DNAH10: variants seen among roughly 807,000 people sequenced by gnomAD.
DNAH10 encodes dynein axonemal heavy chain 10.
In DNAH10, 348 loss-of-function variants were observed where a neutral mutation model predicts 506.6. The ratio of observed to expected loss-of-function variants is 0.69; its 90% confidence interval spans 0.63 to 0.75. The LOEUF (loss-of-function observed/expected upper bound fraction) is 0.75, where lower values mean the gene tolerates loss of function less well. Ranked by LOEUF, DNAH10 falls within the 30% of genes least tolerant of loss-of-function variation. The probability of loss-of-function intolerance (pLI) is 0.00; values close to 1 mark genes in which losing one functional copy is unlikely to be tolerated. For missense variants in DNAH10, 5,179 were observed against 5,787.1 expected, an observed-to-expected ratio of 0.89 and a Z score of 3.41; for synonymous variants, 2,059 against 2,198.6, an observed-to-expected ratio of 0.94 and a Z score of 1.78.
chr12:123,894,766 A>C (rs367593860), intron 54 of DNAH10, 43 bp downstream of exon 54: 4 of 1,548,148 alleles, frequency 2.6e-6, no homozygotes, highest in Non-Finnish European at 3.6e-6. Flanking sequence ...TGATAAAACA[A>C]AGCAATTTAT....
intron 44 of DNAH10, among the ~76,000 whole-genome samples, 193 bp downstream of exon 44, chr12:123,870,678 T>A (rs539033541): frequency 6.6e-6 from 1 of 152,300 alleles, no homozygotes; most frequent in East Asian, 1.9e-4. Context: ...TTTTGTCAGC[T>A]GCTGGCTCTG....
rs562737597 is a variant in DNAH10, at chr12:123,907,926, G to A, written c.9816-1335G>A. ...TGAAGTGTGGGCGCCCTCCCTCCTG[G>A]CTGTTGCCCTGGCTTGTCCGTACAC... On this transcript the variant is annotated intron_variant, in intron 57 of 78. Coordinates refer to ENST00000673944, the MANE Select transcript of DNAH10 (RefSeq NM_001372106.1). This position sits in a 1 kb window ranked among gnomAD's most constrained non-coding sequence, Gnocchi z 4.4. Among the ~76,000 whole-genome samples the A allele has an allele frequency of 6.6e-6, 1 of 152,268 alleles. No individual in the cohort carries two copies. Among genetic ancestry groups the A allele is most frequent in the Admixed American group, 6.5e-5 (1 of 15,308 alleles).
rs1951130603 is a variant in DNAH10 at position 123,850,850 on chromosome 12, C to T, written c.6103-38C>T. ...TCCAAGGGGCTGGCCGGCCGGGCCA[C>T]CTAACTGCTTCTTTCTTTCTTCCTT... On this transcript the variant is annotated intron_variant, in intron 34 of 78. Transcript: ENST00000673944. This position sits in a 1 kb window ranked among gnomAD's most constrained non-coding sequence, Gnocchi z 5.5. 1 of 1,580,172 alleles carries T rather than the reference C, an allele frequency of 6.3e-7. No individual in the cohort carries two copies. Among genetic ancestry groups the T allele is most frequent in the African/African-American group, 1.4e-5 (1 of 74,020 alleles).
chr12:123,853,397 G>T lies in DNAH10; in HGVS notation c.6438+45G>T. The stretch of plus-strand genomic sequence containing the variant: ...ACATTCTCTGGTTTCAGCTGCTTCA[G>T]GCATTTACTACGTGCCATTGGGGAG... On this transcript the variant is annotated intron_variant, in intron 36 of 78. Transcript: ENST00000673944. The surrounding 1 kb of genome is among the most constrained non-coding windows in gnomAD (Gnocchi z 4.7). 6.3e-7 allele frequency: 1 copy of T among 1,588,150 alleles called. No individual in the cohort carries two copies. The highest frequency in any genetic ancestry group is 1.3e-5 in the African/African-American group (1 of 74,428).
intron 52 of DNAH10, among the ~76,000 whole-genome samples, chr12:123,891,488 G>A (rs980640551): frequency 2.0e-5 from 3 of 152,196 alleles, no homozygotes; most frequent in Admixed American, 2.0e-4. Flanking sequence ...TCACTGACAT[G>A]TGGTGGGACC....
chr12:123,768,357 A>G (rs1957127319), intron 2 of DNAH10, among the ~76,000 whole-genome samples: 1 of 149,102 alleles, frequency 6.7e-6, no homozygotes, highest in Non-Finnish European at 1.5e-5. Flanking sequence ...CTGGTCTTGA[A>G]CTCCCGTCCT....
Position 123,848,110 on chromosome 12 carries a change from TC to T in DNAH10, c.5949+16del. Reference sequence around the variant, plus strand: ...TGGATTACAGGGTAAGGCCTGGCTGTCACCTTTGGTACTGGCTCATTAGGCA... The same window carrying T: ...TGGATTACAGGGTAAGGCCTGGCTGTACCTTTGGTACTGGCTCATTAGGCA... On this transcript the variant is annotated intron_variant, in intron 33 of 78. Transcript: ENST00000673944. 6.2e-7 allele frequency: 1 copy of T among 1,610,176 alleles called. No homozygotes were observed.
At chr12:123,893,517 G>T in intron 53 of DNAH10, 81 bp downstream of exon 53, 1 of 1,531,340 alleles carries the variant, frequency 6.5e-7, no homozygotes. Flanking sequence ...ACCTCTCCAG[G>T]TTCCCCCAGC....
chr12:123,930,580 T>C lies in DNAH10; in HGVS notation c.12784+7T>C. 1 of 1,605,338 alleles carries C rather than the reference T, an allele frequency of 6.2e-7. No individual in the cohort carries two copies. Among genetic ancestry groups the C allele is most frequent in the East Asian group, 2.2e-5 (1 of 44,724 alleles). ...GAAAAGGAGAAATTTGTTGGTGAGA[T>C]TTCTCAGACATGAAAAGATGTTTTC... On this transcript the variant is annotated splice_region_variant and intron_variant, in intron 73 of 78. Coordinates refer to ENST00000673944, the MANE Select transcript of DNAH10 (RefSeq NM_001372106.1).
intron 51 of DNAH10, chr12:123,882,119 T>C (rs1351090096): frequency 4.0e-6 from 1 of 247,544 alleles, no homozygotes; most frequent in Non-Finnish European, 7.6e-6. Context: ...AATTAACCCA[T>C]CATAAAGTTG....
intron 27 of DNAH10, among the ~76,000 whole-genome samples, chr12:123,834,943 G>T (rs1960976355): frequency 6.6e-6 from 1 of 152,170 alleles, no homozygotes; most frequent in Admixed American, 6.5e-5. Context: ...CATTTGGGTT[G>T]TTTCCACCTT....
rs1954891736 is a variant in DNAH10, at chr12:123,925,218, T to C, written c.11921+14T>C. 6.2e-7 allele frequency: 1 copy of C among 1,613,484 alleles called. No individual in the cohort carries two copies. The highest frequency in any genetic ancestry group is 1.7e-5 in the Admixed American group (1 of 60,000). On this transcript the variant is annotated intron_variant, in intron 68 of 78. Coordinates refer to ENST00000673944, the MANE Select transcript of DNAH10 (RefSeq NM_001372106.1). This position sits in a 1 kb window ranked among gnomAD's most constrained non-coding sequence, Gnocchi z 4.0. ...AATGGGAGAGAAGTAAGTGTGTCGT[T>C]TTGTTGATTTGCCACTTTCCGTGGG...
At chr12:123,777,237 G>C (rs77227125) in intron 5 of DNAH10, among the ~76,000 whole-genome samples, 10,344 of 152,292 alleles carry the variant, frequency 0.068, 497 homozygotes, top group African/African-American at 0.14. Context: ...GTAAAACCAA[G>C]GGACTGGGTG....
intron 33 of DNAH10, 30 bp from the exon 34 acceptor site, chr12:123,848,700 G>T (rs1241603984): frequency 1.2e-6 from 2 of 1,611,486 alleles, no homozygotes; most frequent in Non-Finnish European, 1.7e-6. Flanking sequence ...GATGAAAATT[G>T]CCCTTGTCCT....
chr12:123,869,453 T>C (rs1292375284), intron 43 of DNAH10, among the ~76,000 whole-genome samples: 1 of 152,056 alleles, frequency 6.6e-6, no homozygotes, highest in African/African-American at 2.4e-5. Context: ...GATGTCTCCA[T>C]AAATCCCAGT....
At chr12:123,848,957 CGTCA>C in intron 34 of DNAH10, 75 bp downstream of exon 34, 1 of 1,553,800 alleles carries the variant, frequency 6.4e-7, no homozygotes, top group Non-Finnish European at 8.7e-7. Flanking sequence ...TCCTCTGTAG[CGTCA>C]GTTTCTGGGC....
chr12:123,867,951 G>A lies in DNAH10; in HGVS notation c.7351G>A (p.Glu2451Lys). 6.2e-7 allele frequency: 1 copy of A among 1,613,962 alleles called. No individual in the cohort carries two copies. The highest frequency in any genetic ancestry group is 8.5e-7 in the Non-Finnish European group (1 of 1,179,862). The change falls in exon 43 of 79, where the codon GAA becomes AAA. Residue 2451 changes from glutamate (E) to lysine (K), a missense_variant. Transcript: ENST00000673944. ...MLDALLEGEI[E>K]DLDLLECYFL... ...GGATGCGTTGCTAGAAGGAGAAATA[G>A]AAGACCTTGACCTGCTGGAGTGCTA...
intron 21 of DNAH10, among the ~76,000 whole-genome samples, chr12:123,817,484 A>G (rs1016908523): frequency 6.6e-6 from 1 of 152,120 alleles, no homozygotes; most frequent in Non-Finnish European, 1.5e-5. Context: ...TCCTTAAACA[A>G]TCCTTTGAGT....
chr12:123,762,474 G>C lies in DNAH10; in HGVS notation c.138G>C (p.Gln46His). 1 of 1,506,684 alleles carries C rather than the reference G, an allele frequency of 6.6e-7. No individual in the cohort carries two copies. The highest frequency in any genetic ancestry group is 8.9e-7 in the Non-Finnish European group (1 of 1,123,500). 93.3% of individuals were successfully genotyped at this position (1,506,684 alleles called of 1,614,324 possible). Reference protein sequence around the residue: ...GEDLILHFLNQASEEEGPSAL... With the variant: ...GEDLILHFLNHASEEEGPSAL... ...ACCTCATCTTGCACTTCCTCAACCA[G>C]GCGAGCGAGGAGGAGGGGCCCTCGG... The change falls in exon 1 of 79, where the codon CAG (glutamine) becomes CAC (histidine). Residue 46 changes from glutamine (Q) to histidine (H), a missense_variant. Coordinates refer to ENST00000673944, the MANE Select transcript of DNAH10 (RefSeq NM_001372106.1). The surrounding 1 kb of genome is among the most constrained non-coding windows in gnomAD (Gnocchi z 5.0).
Sources: gnomAD v4.1 joint callset for allele counts (sites outside exome capture counted in the v4.1 genomes callset) on GRCh38, gnomAD v4.1.1 for gene constraint, Gnocchi (gnomAD v3.1) non-coding constraint, MANE v1.5 for transcripts, NCBI Gene and HGNC (gene_info 2026-07-23, HGNC 2026-07-21) for gene names.